The following EFR3A variants were observed in gnomAD, a reference collection of about 807,000 sequenced individuals.
The protein encoded by EFR3A is EFR3 homolog A, also known as protein EFR3 homolog A.
In EFR3A, 76 loss-of-function variants were observed where a neutral mutation model predicts 104.4. The ratio of observed to expected loss-of-function variants is 0.73; its 90% CI spans 0.60 to 0.88. The LOEUF (loss-of-function observed/expected upper bound fraction) is 0.88, where lower values mean the gene tolerates loss of function less well. EFR3A is among the 40% of genes least tolerant of loss of function. The probability of loss-of-function intolerance (pLI) is 0.00; values close to 1 mark genes in which losing one functional copy is unlikely to be tolerated. For synonymous variants in EFR3A, 330 were observed against 330.0 expected, an observed-to-expected ratio of 1.00 and a Z score of 0.00; for missense variants, 985 against 1,012.5, an observed-to-expected ratio of 0.97 and a Z score of 0.37.
chr8:131,970,032 G>C (rs1270133450), intron 9 of EFR3A, among the ~76,000 whole-genome samples: 1 of 152,168 alleles, frequency 6.6e-6, no homozygotes, highest in Non-Finnish European at 1.5e-5. Flanking sequence ...TCTCATAATT[G>C]AGGCATATTC....
Position 131,959,661 on chromosome 8 carries a change from C to G in EFR3A, c.853C>G (p.Gln285Glu), listed in dbSNP as rs1423931034. The change falls in exon 8 of 23, where the codon CAG becomes GAG. Residue 285 changes from glutamine (Q) to glutamate (E), a missense_variant and splice_region_variant. Transcript: ENST00000254624. ...HCFKIIMYSI[Q>E]AQYSHHVIQE... ...CTTTAAAATTATAATGTATTCCATT[C>G]AGGTAAGGTTTGATTAACTATTTAC... The G allele has an allele frequency of 1.5e-5, 24 of 1,607,670 alleles. No individual in the cohort carries two copies. The highest frequency in any genetic ancestry group is 2.0e-5 in the Non-Finnish European group (24 of 1,176,900).
chr8:131,960,171 G>A (rs1358348374), intron 8 of EFR3A, among the ~76,000 whole-genome samples: 1 of 152,130 alleles, frequency 6.6e-6, no homozygotes, highest in East Asian at 1.9e-4. Flanking sequence ...TTTAGACTAA[G>A]GGACTTTCCT....
At chr8:131,970,206 T>C (rs920960528) in intron 9 of EFR3A, among the ~76,000 whole-genome samples, 5 of 152,252 alleles carry the variant, frequency 3.3e-5, no homozygotes, top group Non-Finnish European at 5.9e-5. Context: ...GTAATTCTTA[T>C]ATGCCTATAC....
chr8:131,946,206 G>T (rs1418320401), intron 3 of EFR3A, among the ~76,000 whole-genome samples: 1 of 151,926 alleles, frequency 6.6e-6, no homozygotes, highest in Non-Finnish European at 1.5e-5. Flanking sequence ...TATTTACAAA[G>T]AAAAATATAC....
chr8:131,924,046 ATTGCTGTATC>A (rs1166004761), intron 1 of EFR3A: 1 of 359,452 alleles, frequency 2.8e-6, no homozygotes, highest in Non-Finnish European at 5.6e-6. Flanking sequence ...ACTTACTGTA[ATTGCTGTATC>A]TTGCTAAGAC....
chr8:131,924,898 T>G lies in EFR3A; in HGVS notation c.11-15601T>G, dbSNP rs1241861664. On this transcript the variant is annotated intron_variant, in intron 1 of 22. Transcript: ENST00000254624. The stretch of plus-strand genomic sequence containing the variant: ...TATTGTTTATAGGTGGGTCCTTCTA[T>G]TCTTTCAAGCATGTAAGTTCTTGTT... Among the ~76,000 whole-genome samples, 14 of 152,298 alleles carry G rather than the reference T, an allele frequency of 9.2e-5. No individual in the cohort carries two copies. The East Asian group carries it at 2.7e-3, about 29-fold the overall frequency.
At chr8:132,007,531 T>C (rs1822113764) in intron 22 of EFR3A, among the ~76,000 whole-genome samples, 1 of 152,008 alleles carries the variant, frequency 6.6e-6, no homozygotes, top group Admixed American at 6.6e-5. Context: ...ATTGTTTATA[T>C]GCTGTTTCTT....
chr8:131,999,068 A>C (rs1259368206), intron 19 of EFR3A, among the ~76,000 whole-genome samples: 1 of 151,992 alleles, frequency 6.6e-6, no homozygotes, highest in Non-Finnish European at 1.5e-5. Context: ...TATGAGTAAA[A>C]CCTGAAATCA....
At position 132,002,581 on chromosome 8, in the gene EFR3A, G is replaced by C. The variant is rs553408030; in HGVS notation, c.2207-22G>C. On this transcript the variant is annotated intron_variant, in intron 20 of 22. Coordinates refer to ENST00000254624, the MANE Select transcript of EFR3A (RefSeq NM_015137.6). ...TGAAATTATGTATTCCCTTTAATAA[G>C]TCTTTATAAATATTTGTATAGATAC... 5 of 1,576,646 alleles carry C rather than the reference G, an allele frequency of 3.2e-6. No homozygotes were observed. In the South Asian group the frequency reaches 5.6e-5, roughly 18 times the overall value.
intron 1 of EFR3A, among the ~76,000 whole-genome samples, chr8:131,918,278 C>G (rs923087132): frequency 2.0e-5 from 3 of 152,172 alleles, no homozygotes; most frequent in Admixed American, 6.5e-5. Flanking sequence ...CAGAGCAAGA[C>G]TCTGTCTCAA....
intron 1 of EFR3A, chr8:131,940,006 T>C (rs1818084398): frequency 6.4e-6 from 1 of 157,032 alleles, no homozygotes; most frequent in Non-Finnish European, 1.4e-5. Context: ...CAGAGAGGCG[T>C]AGATGAAGAA....
At chr8:131,990,495 C>T (rs1216417093) in intron 18 of EFR3A, among the ~76,000 whole-genome samples, 1 of 151,982 alleles carries the variant, frequency 6.6e-6, no homozygotes, top group East Asian at 1.9e-4. Flanking sequence ...GGATTTGTTC[C>T]GTGAATTAAT....
At chr8:131,941,560 A>G (rs1818173183) in intron 2 of EFR3A, among the ~76,000 whole-genome samples, 1 of 152,144 alleles carries the variant, frequency 6.6e-6, no homozygotes, top group Admixed American at 6.6e-5. Flanking sequence ...AAAAACCCTA[A>G]GATATGGTAC....
Position 131,950,606 on chromosome 8 carries a change from A to G in EFR3A, c.488+516A>G, listed in dbSNP as rs541229378. ...CCCTAGCTATCTTTATCTTCTTATC[A>G]TGTATCTCCTTGTTTCTTGCTCCTC... On this transcript the variant is annotated intron_variant, in intron 5 of 22. Transcript: ENST00000254624. Among the ~76,000 whole-genome samples, 13 of 152,128 alleles carry G rather than the reference A, an allele frequency of 8.5e-5. 1 individual carries two copies. The South Asian group carries it at 2.3e-3, about 27-fold the overall frequency.
At chr8:131,931,275 G>A (rs961386534) in intron 1 of EFR3A, among the ~76,000 whole-genome samples, 9 of 152,072 alleles carry the variant, frequency 5.9e-5, no homozygotes, top group Non-Finnish European at 1.2e-4. Flanking sequence ...TTATTCCAAG[G>A]CAACCTTGTA....
intron 8 of EFR3A, among the ~76,000 whole-genome samples, chr8:131,962,430 C>T (rs901500028): frequency 2.0e-5 from 3 of 152,134 alleles, no homozygotes; most frequent in Non-Finnish European, 2.9e-5. Context: ...ATAAAACAGA[C>T]TTTAAACCAA....
intron 8 of EFR3A, among the ~76,000 whole-genome samples, chr8:131,960,920 C>T (rs1203016003): frequency 6.6e-6 from 1 of 152,202 alleles, no homozygotes; most frequent in Non-Finnish European, 1.5e-5. Context: ...CACTGTTCTG[C>T]AGCCTCCGCT....
At chr8:131,920,914 A>C (rs1482511752) in intron 1 of EFR3A, among the ~76,000 whole-genome samples, 2 of 152,182 alleles carry the variant, frequency 1.3e-5, no homozygotes, top group Non-Finnish European at 2.9e-5. Context: ...TTTAGTGGAC[A>C]CTCAAATATT....
chr8:132,002,562 T>A, intron 20 of EFR3A, 41 bp from the exon 21 acceptor site: 1 of 1,521,406 alleles, frequency 6.6e-7, no homozygotes, highest in Non-Finnish European at 9.1e-7. Flanking sequence ...TCTGTGAAAT[T>A]ATGTATTCCC....
Sources: allele counts gnomAD v4.1 joint callset (sites outside exome capture counted in the v4.1 genomes callset), GRCh38; gene constraint gnomAD v4.1.1; transcripts MANE v1.5; gene names NCBI Gene and HGNC (gene_info 2026-07-23, HGNC 2026-07-21).